Variants in ADAMTSL3 observed in about 807,000 individuals in gnomAD.
ADAMTSL3 encodes the protein ADAMTS-like protein 3.
In ADAMTSL3, 128 loss-of-function variants were observed where a neutral mutation model predicts 201.7. The observed-to-expected ratio is 0.63, with a 90% confidence interval of 0.55 to 0.73. The LOEUF is 0.73. ADAMTSL3 is among the 30% of genes least tolerant of loss of function. ADAMTSL3 has a pLI of 0.00. For synonymous variants in ADAMTSL3, 738 were observed against 748.4 expected (o/e 0.99, Z 0.23); for missense variants, 1,990 against 2,119.6 (o/e 0.94, Z 1.20).
intron 29 of ADAMTSL3, among the ~76,000 whole-genome samples, 168 bp downstream of exon 29, chr15:84,037,155 C>T (rs2068527327): frequency 6.6e-6 from 1 of 152,094 alleles, no homozygotes; most frequent in Non-Finnish European, 1.5e-5. Context: ...GGATGAACTC[C>T]TTTATGTGGG....
At chr15:83,685,407 T>C (rs1306459607) in intron 2 of ADAMTSL3, among the ~76,000 whole-genome samples, 1 of 152,200 alleles carries the variant, frequency 6.6e-6, no homozygotes, top group Non-Finnish European at 1.5e-5. Flanking sequence ...CCTAGGTGCC[T>C]GGGGCAGTGT....
At chr15:83,905,703 G>T (rs540317561) in intron 15 of ADAMTSL3, among the ~76,000 whole-genome samples, 2 of 152,138 alleles carry the variant, frequency 1.3e-5, no homozygotes, top group Non-Finnish European at 1.5e-5. Flanking sequence ...AAACTGCAGC[G>T]AATTCCAAAT....
At chr15:83,971,648 A>G (rs564531612) in intron 20 of ADAMTSL3, among the ~76,000 whole-genome samples, 1 of 151,182 alleles carries the variant, frequency 6.6e-6, no homozygotes, top group African/African-American at 2.4e-5. Flanking sequence ...CATGACAGCA[A>G]TTGAAAAGCA....
At chr15:83,912,420 C>G (rs748821615) in intron 15 of ADAMTSL3, among the ~76,000 whole-genome samples, 1 of 152,110 alleles carries the variant, frequency 6.6e-6, no homozygotes, top group African/African-American at 2.4e-5. Flanking sequence ...TAGGTTGTAC[C>G]AAAGATAGGT....
intron 2 of ADAMTSL3, among the ~76,000 whole-genome samples, chr15:83,703,097 C>T (rs562976625): frequency 4.6e-5 from 7 of 152,176 alleles, no homozygotes; most frequent in East Asian, 1.9e-4. Flanking sequence ...AAAATTTGAC[C>T]GCCCCACTAG....
rs561770095 is a variant in ADAMTSL3 at position 83,846,697 on chromosome 15, C to T, written c.727+8482C>T. Among the ~76,000 whole-genome samples the T allele has an allele frequency of 3.7e-4, 56 of 152,276 alleles. No homozygotes were observed. In the South Asian group the frequency reaches 0.011, roughly 29 times the overall value. On this transcript the variant is annotated intron_variant, in intron 7 of 29. Coordinates refer to ENST00000286744, the MANE Select transcript of ADAMTSL3 (RefSeq NM_207517.3). ...GGTAAATCTGGGCAATTGCAGGTTG[C>T]CAAACTTCCCAGGTGGCCACTGGTG... is the stretch of plus-strand genomic sequence containing the variant.
chr15:83,902,975 C>T (rs1298225300), intron 15 of ADAMTSL3, among the ~76,000 whole-genome samples: 2 of 152,190 alleles, frequency 1.3e-5, no homozygotes, highest in African/African-American at 4.8e-5. Context: ...ACCCTTGTTT[C>T]ATCGAAACCA....
At chr15:83,944,115 ATTGT>A (rs1354310843) in intron 19 of ADAMTSL3, among the ~76,000 whole-genome samples, 1 of 152,146 alleles carries the variant, frequency 6.6e-6, no homozygotes, top group Non-Finnish European at 1.5e-5. Flanking sequence ...AAACTTACAA[ATTGT>A]TTATTTCTGG....
Position 83,805,884 on chromosome 15 carries a change from T to TA in ADAMTSL3, c.363+1190dup, listed in dbSNP as rs147743905. 9.1e-3 allele frequency among the ~76,000 whole-genome samples: 1,378 copies of TA among 152,254 alleles called. 23 individuals carry two copies. Among genetic ancestry groups the TA allele is most frequent in the African/African-American group, 0.031 (1,296 of 41,538 alleles). On this transcript the variant is annotated intron_variant, in intron 5 of 29. Coordinates refer to ENST00000286744, the MANE Select transcript of ADAMTSL3 (RefSeq NM_207517.3). The stretch of plus-strand genomic sequence containing the variant: ...CCCTGTAAGGTAAGCAGGGAGCCCC[T>TA]AGTAGCCCCTATTACCACTGCAGAC...
chr15:84,000,629 T>C (rs899168126), intron 23 of ADAMTSL3, among the ~76,000 whole-genome samples: 5 of 152,232 alleles, frequency 3.3e-5, no homozygotes, highest in South Asian at 4.1e-4. Context: ...TAGAAGTGTT[T>C]GTGAAGTGTA....
chr15:83,949,719 G>A (rs2066724112), intron 19 of ADAMTSL3, among the ~76,000 whole-genome samples: 1 of 152,018 alleles, frequency 6.6e-6, no homozygotes, highest in African/African-American at 2.4e-5. Flanking sequence ...GGAGTGAGAT[G>A]GTATCTCATT....
chr15:83,850,516 TTATA>T (rs34109594), intron 7 of ADAMTSL3, among the ~76,000 whole-genome samples: 1 of 149,080 alleles, frequency 6.7e-6, no homozygotes, highest in Non-Finnish European at 1.5e-5. Flanking sequence ...TATTTTTAAA[TTATA>T]TATATATATA....
intron 4 of ADAMTSL3, among the ~76,000 whole-genome samples, chr15:83,804,000 A>C (rs1284223288): frequency 1.3e-5 from 2 of 152,064 alleles, no homozygotes; most frequent in African/African-American, 4.8e-5. Flanking sequence ...AAAATTAGCC[A>C]GGCACGGGGG....
intron 8 of ADAMTSL3, among the ~76,000 whole-genome samples, chr15:83,864,426 G>A (rs1179259130): frequency 3.9e-5 from 6 of 152,174 alleles, no homozygotes; most frequent in Non-Finnish European, 7.3e-5. Context: ...TGATCAAGTT[G>A]GCTTCATCCC....
intron 9 of ADAMTSL3, among the ~76,000 whole-genome samples, chr15:83,872,487 ATTACCTTT>A (rs1281686853): frequency 6.6e-6 from 1 of 151,888 alleles, no homozygotes; most frequent in Non-Finnish European, 1.5e-5. Flanking sequence ...GGAAGCCATA[ATTACCTTT>A]TTTTTTAAAG....
Position 83,955,940 on chromosome 15 carries a change from TCA to T in ADAMTSL3, c.2490+12864_2490+12865del, listed in dbSNP as rs375098061. ...CTGCCCCATCTGGTGTGTCACTAGGTCACACACTGCCCCAGTCCACTGGCTCT... is the reference window on the plus strand; with the variant it reads ...CTGCCCCATCTGGTGTGTCACTAGGTCACACTGCCCCAGTCCACTGGCTCT... On this transcript the variant is annotated intron_variant, in intron 19 of 29. Coordinates refer to ENST00000286744, the MANE Select transcript of ADAMTSL3 (RefSeq NM_207517.3). 5.8e-3 allele frequency among the ~76,000 whole-genome samples: 886 copies of T among 152,146 alleles called. 11 individuals are homozygous for T. The highest frequency in any genetic ancestry group is 0.02 in the African/African-American group (827 of 41,500).
intron 17 of ADAMTSL3, among the ~76,000 whole-genome samples, chr15:83,936,526 T>C (rs2066463989): frequency 6.6e-6 from 1 of 151,020 alleles, no homozygotes; most frequent in South Asian, 2.1e-4. Context: ...CTGTAGACTT[T>C]TGTTATAAAC....
At chr15:83,801,688 ATATATATGTATG>A (rs2063527498) in intron 4 of ADAMTSL3, among the ~76,000 whole-genome samples, 2 of 82,084 alleles carry the variant, frequency 2.4e-5, no homozygotes, top group African/African-American at 8.3e-5. Flanking sequence ...ATATATATAT[ATATATATGTATG>A]TATGAGGAAA....
chr15:83,766,341 A>G (rs963929362), intron 3 of ADAMTSL3, among the ~76,000 whole-genome samples: 4 of 152,252 alleles, frequency 2.6e-5, no homozygotes, highest in Non-Finnish European at 4.4e-5. Context: ...AGCTCTTGGT[A>G]TAGTTTGTGT....
Sources: gnomAD v4.1 joint callset for allele counts (sites outside exome capture counted in the v4.1 genomes callset) on GRCh38, gnomAD v4.1.1 for gene constraint, MANE v1.5 for transcripts, NCBI Gene and HGNC (gene_info 2026-07-23, HGNC 2026-07-21) for gene names.